MPPED2: variants seen among roughly 807,000 people sequenced by gnomAD.
MPPED2 encodes metallophosphoesterase domain containing 2, also known as metallophosphoesterase MPPED2.
MPPED2 carries 5 observed loss-of-function variants against 33.0 expected under a neutral mutation model. The observed-to-expected ratio is 0.15, with a 90% CI of 0.08 to 0.32. The LOEUF is 0.32. Ranked by LOEUF, MPPED2 falls within the 10% of genes least tolerant of loss-of-function variation. MPPED2 has a pLI of 1.00. For synonymous variants in MPPED2, 136 were observed against 141.9 expected (o/e 0.96, Z 0.29); for missense variants, 275 against 372.1 (o/e 0.74, Z 2.15).
chr11:30,525,025 G>A (rs993227389), intron 3 of MPPED2, among the ~76,000 whole-genome samples: 2 of 152,146 alleles, frequency 1.3e-5, no homozygotes, highest in South Asian at 2.1e-4. Context: ...ACCCTATGAT[G>A]AGAAATGTCA....
chr11:30,477,537 C>A (rs986227712), intron 4 of MPPED2, among the ~76,000 whole-genome samples: 1 of 152,050 alleles, frequency 6.6e-6, no homozygotes, highest in East Asian at 1.9e-4. Flanking sequence ...TCACTTTACA[C>A]CCATCTTGTA....
At chr11:30,540,031 C>G (rs938632606) in intron 2 of MPPED2, among the ~76,000 whole-genome samples, 4 of 152,186 alleles carry the variant, frequency 2.6e-5, no homozygotes, top group African/African-American at 9.6e-5. Context: ...AGTTCTGTTT[C>G]AGATTCTGTA....
rs1947796394 is a variant in MPPED2 at position 30,392,760 on chromosome 11, C to G, written c.767-3804G>C. 2.6e-5 allele frequency among the ~76,000 whole-genome samples: 4 copies of G among 152,282 alleles called. No homozygotes were observed. The South Asian group carries it at 8.3e-4, about 32-fold the overall frequency. ...AGACAGATGGGAGAGAGTGTTCATG[C>G]TCCCCACTTAAGGTTTGCTCACCTC... is the stretch of plus-strand genomic sequence containing the variant. On this transcript the variant is annotated intron_variant, in intron 6 of 6. Transcript: ENST00000448418.
intron 4 of MPPED2, among the ~76,000 whole-genome samples, chr11:30,466,820 G>T (rs1311193527): frequency 6.6e-6 from 1 of 152,116 alleles, no homozygotes; most frequent in South Asian, 2.1e-4. Flanking sequence ...AATTGTTAAG[G>T]CCTATACAAG....
chr11:30,386,345 G>A (rs1327343473), exon 7 of MPPED2: 1 of 167,854 alleles, frequency 6.0e-6, no homozygotes, highest in Non-Finnish European at 1.3e-5. Context: ...AGAATGGTTT[G>A]GGGGGCCACA....
intron 3 of MPPED2, among the ~76,000 whole-genome samples, chr11:30,499,527 C>T (rs576025056): frequency 6.6e-6 from 1 of 152,256 alleles, no homozygotes; most frequent in South Asian, 2.1e-4. Context: ...ATTCCTCCCA[C>T]TCCCATAAGC....
chr11:30,534,617 A>G (rs1202105768), intron 3 of MPPED2, among the ~76,000 whole-genome samples: 1 of 152,248 alleles, frequency 6.6e-6, no homozygotes, highest in East Asian at 1.9e-4. Context: ...CTATACATTC[A>G]TTCACTGCTA....
chr11:30,578,846 G>A (rs887962669), intron 2 of MPPED2, among the ~76,000 whole-genome samples: 2 of 152,076 alleles, frequency 1.3e-5, no homozygotes, highest in African/African-American at 4.8e-5. Flanking sequence ...GATATTTATT[G>A]TTCAGAAAAG....
At chr11:30,396,899 A>T (rs1390591466) in intron 6 of MPPED2, among the ~76,000 whole-genome samples, 1 of 152,146 alleles carries the variant, frequency 6.6e-6, no homozygotes, top group Admixed American at 6.6e-5. Context: ...CAAATTAGGT[A>T]GTAACTAGTG....
intron 4 of MPPED2, among the ~76,000 whole-genome samples, chr11:30,475,680 G>T (rs1292380722): frequency 6.6e-6 from 1 of 152,056 alleles, no homozygotes; most frequent in Non-Finnish European, 1.5e-5. Context: ...GTTGTTTCCT[G>T]GTGTTGGTTA....
intron 4 of MPPED2, among the ~76,000 whole-genome samples, chr11:30,468,229 TAC>T (rs1174150864): frequency 0.023 from 3,460 of 147,258 alleles, 70 homozygotes; most frequent in Admixed American, 0.056. Flanking sequence ...TGGCATACTA[TAC>T]ACACACACAC....
intron 4 of MPPED2, among the ~76,000 whole-genome samples, chr11:30,446,941 C>T (rs569989423): frequency 9.9e-5 from 15 of 152,170 alleles, no homozygotes; most frequent in Non-Finnish European, 2.1e-4. Context: ...CATTAGCGTT[C>T]TGAGAGGCAA....
chr11:30,501,345 A>G (rs1014121275), intron 3 of MPPED2, among the ~76,000 whole-genome samples: 12 of 152,222 alleles, frequency 7.9e-5, no homozygotes, highest in African/African-American at 2.9e-4. Flanking sequence ...ATGTTCCAAC[A>G]TGTCTTTCAA....
chr11:30,570,482 A>G (rs1299077897), intron 2 of MPPED2, among the ~76,000 whole-genome samples: 1 of 152,162 alleles, frequency 6.6e-6, no homozygotes, highest in Admixed American at 6.6e-5. Flanking sequence ...TATTAAATAA[A>G]AGGTGCTAAG....
Position 30,585,708 on chromosome 11 carries a change from C to T in MPPED2, c.-122+334G>A, listed in dbSNP as rs2134982381. The stretch of plus-strand genomic sequence containing the variant: ...CCCCCAGAGGTCGGGGGACTGATGG[C>T]TGGAGGGGGTGGAGAAGAGAAGAGG... On this transcript the variant is annotated intron_variant, in intron 1 of 6. Transcript: ENST00000358117. Among the ~76,000 whole-genome samples the T allele has an allele frequency of 2.0e-5, 3 of 152,200 alleles. No homozygotes were observed. The East Asian group carries it at 5.9e-4, about 30-fold the overall frequency.
At chr11:30,407,470 T>C (rs1348144103), downstream of MPPED2, among the ~76,000 whole-genome samples, 1 of 152,238 alleles carries the variant, frequency 6.6e-6, no homozygotes, top group Non-Finnish European at 1.5e-5. Flanking sequence ...CTTGGGCTTC[T>C]TCCTATCCTT....
exon 7 of MPPED2, chr11:30,386,868 A>T: frequency 2.5e-6 from 1 of 397,988 alleles, no homozygotes; most frequent in Non-Finnish European, 4.4e-6. Flanking sequence ...AGTAGTAGTA[A>T]TAATAATAGC....
intron 3 of MPPED2, among the ~76,000 whole-genome samples, chr11:30,512,744 T>TA (rs1299316540): frequency 6.6e-6 from 1 of 152,214 alleles, no homozygotes. Flanking sequence ...CTCACGCCTA[T>TA]AATCCCAGCA....
At chr11:30,533,163 T>TG (rs1954621763) in intron 3 of MPPED2, among the ~76,000 whole-genome samples, 1 of 152,158 alleles carries the variant, frequency 6.6e-6, no homozygotes, top group South Asian at 2.1e-4. Context: ...GACAGCCCCA[T>TG]GTCTACTAGC....
Sources: gnomAD v4.1 joint callset for allele counts (sites outside exome capture counted in the v4.1 genomes callset) on GRCh38, gnomAD v4.1.1 for gene constraint, MANE v1.5 for transcripts, NCBI Gene and HGNC (gene_info 2026-07-23, HGNC 2026-07-21) for gene names.